The following B3GALT1 variants were observed in gnomAD, a reference collection of about 807,000 sequenced individuals.
B3GALT1 encodes beta-1,3-galactosyltransferase 1, also known as UDP-Gal:betaGlcNAc beta 1,3-galactosyltransferase, polypeptide 1.
B3GALT1 carries 10 observed loss-of-function variants against 23.2 expected under a neutral mutation model. That is an observed-to-expected ratio of 0.43 (90% CI 0.27 to 0.73). The LOEUF is 0.73. Among genes scored for constraint, B3GALT1 ranks in the 30% least tolerant of loss-of-function variants. The pLI, the probability that B3GALT1 is intolerant of heterozygous loss-of-function variation, is 0.21. For missense variants in B3GALT1, 299 were observed against 405.4 expected, an observed-to-expected ratio of 0.74 and a Z score of 2.25; for synonymous variants, 156 against 141.5, an observed-to-expected ratio of 1.10 and a Z score of -0.73.
At chr2:167,710,000 G>A (rs1226963936) in intron 3 of B3GALT1, among the ~76,000 whole-genome samples, 1 of 152,008 alleles carries the variant, frequency 6.6e-6, no homozygotes, top group Admixed American at 6.5e-5. Context: ...CAGATAATAT[G>A]TTTTTTCCAC....
chr2:167,662,724 G>C (rs1047413739), intron 3 of B3GALT1, among the ~76,000 whole-genome samples: 1 of 151,782 alleles, frequency 6.6e-6, no homozygotes, highest in Admixed American at 6.6e-5. Context: ...ACAATGGTCT[G>C]TAGGGCCCCA....
chr2:167,384,717 C>G (rs558459632), intron 1 of B3GALT1, among the ~76,000 whole-genome samples: 3 of 152,194 alleles, frequency 2.0e-5, no homozygotes, highest in South Asian at 4.2e-4. Flanking sequence ...ATTGCCATAG[C>G]GTTTGCTCAG....
intron 3 of B3GALT1, among the ~76,000 whole-genome samples, chr2:167,737,964 C>T (rs112879463): frequency 2.0e-5 from 3 of 152,226 alleles, no homozygotes; most frequent in Admixed American, 6.5e-5. Flanking sequence ...ACCTGAGAGC[C>T]GTAAACTGAC....
chr2:167,435,444 A>C (rs1698768967), intron 1 of B3GALT1, among the ~76,000 whole-genome samples: 1 of 147,966 alleles, frequency 6.8e-6, no homozygotes. Context: ...AAAAAAAAAA[A>C]AAAAAAAAAA....
intron 1 of B3GALT1, among the ~76,000 whole-genome samples, chr2:167,489,115 G>A (rs193153680): frequency 2.0e-5 from 3 of 152,122 alleles, no homozygotes; most frequent in East Asian, 1.9e-4. Flanking sequence ...TCAAACTAAC[G>A]TCATTGTACT....
At chr2:167,355,595 T>C (rs1189828832) in intron 1 of B3GALT1, among the ~76,000 whole-genome samples, 1 of 152,234 alleles carries the variant, frequency 6.6e-6, no homozygotes, top group Non-Finnish European at 1.5e-5. Flanking sequence ...CTAGATTTAT[T>C]GTTCAGTATT....
intron 1 of B3GALT1, among the ~76,000 whole-genome samples, chr2:167,413,551 T>G (rs1698423644): frequency 6.6e-6 from 1 of 152,056 alleles, no homozygotes; most frequent in Admixed American, 6.5e-5. Context: ...TATTGTTGAA[T>G]GCATATGTAT....
At chr2:167,812,677 A>G (rs1688913345) in intron 3 of B3GALT1, among the ~76,000 whole-genome samples, 2 of 152,192 alleles carry the variant, frequency 1.3e-5, no homozygotes, top group African/African-American at 2.4e-5. Context: ...AGCACCTAGC[A>G]TGTGAATTCC....
At chr2:167,320,266 T>G (rs993453434) in intron 1 of B3GALT1, among the ~76,000 whole-genome samples, 1 of 151,496 alleles carries the variant, frequency 6.6e-6, no homozygotes, top group Non-Finnish European at 1.5e-5. Flanking sequence ...CTTGGCTCAC[T>G]GCAACCTGTG....
intron 2 of B3GALT1, among the ~76,000 whole-genome samples, chr2:167,568,801 A>C (rs918752745): frequency 6.6e-6 from 1 of 151,790 alleles, no homozygotes; most frequent in East Asian, 1.9e-4. Flanking sequence ...AGTCATTGCC[A>C]TACCCAAGAT....
intron 3 of B3GALT1, among the ~76,000 whole-genome samples, chr2:167,669,868 C>G (rs1393138582): frequency 6.6e-6 from 1 of 152,082 alleles, no homozygotes; most frequent in Admixed American, 6.5e-5. Flanking sequence ...TCACCCCACC[C>G]AGAACACTGA....
rs187936811 is a variant in B3GALT1, at chr2:167,446,520, T to C, written c.-510-43657T>C. ...GTACACCAGTCAGACATAGATTTGGTCTTTTCACATGGTCCCATATTTCTT... is the reference window on the plus strand; with the variant it reads ...GTACACCAGTCAGACATAGATTTGGCCTTTTCACATGGTCCCATATTTCTT... On this transcript the variant is annotated intron_variant, in intron 1 of 4. Coordinates refer to ENST00000392690, the MANE Select transcript of B3GALT1 (RefSeq NM_020981.4). 1.9e-3 allele frequency among the ~76,000 whole-genome samples: 295 copies of C among 152,290 alleles called. 1 individual carries two copies. The highest frequency in any genetic ancestry group is 7.0e-3 in the African/African-American group (290 of 41,562).
chr2:167,410,415 T>G (rs1369435474), intron 1 of B3GALT1, among the ~76,000 whole-genome samples: 1 of 146,728 alleles, frequency 6.8e-6, no homozygotes, highest in Non-Finnish European at 1.5e-5. Flanking sequence ...GGTGTGAACC[T>G]GGGAGGCGGA....
intron 2 of B3GALT1, among the ~76,000 whole-genome samples, chr2:167,579,797 G>A (rs1300583864): frequency 6.6e-6 from 1 of 152,030 alleles, no homozygotes; most frequent in Admixed American, 6.6e-5. Flanking sequence ...AGAGAAGGCA[G>A]GGATTAGATT....
chr2:167,646,320 A>G (rs1230674917), intron 2 of B3GALT1, among the ~76,000 whole-genome samples: 2 of 152,210 alleles, frequency 1.3e-5, no homozygotes, highest in Non-Finnish European at 2.9e-5. Context: ...GGTAGGACCC[A>G]GGGTTTCTGC....
intron 3 of B3GALT1, among the ~76,000 whole-genome samples, chr2:167,650,702 A>G (rs895752618): frequency 2.6e-5 from 4 of 152,138 alleles, no homozygotes; most frequent in African/African-American, 7.2e-5. Flanking sequence ...CTCTTGTTAT[A>G]GGTCTGCTCA....
chr2:167,738,319 A>G (rs545284124), intron 3 of B3GALT1, among the ~76,000 whole-genome samples: 3 of 152,212 alleles, frequency 2.0e-5, no homozygotes, highest in Non-Finnish European at 4.4e-5. Context: ...GTTAAATGTC[A>G]TTGTGCATCT....
chr2:167,442,032 C>A (rs1329092312), intron 1 of B3GALT1, among the ~76,000 whole-genome samples: 1 of 151,576 alleles, frequency 6.6e-6, no homozygotes, highest in Non-Finnish European at 1.5e-5. Flanking sequence ...CTCCCCACTC[C>A]CCCCACCCCA....
chr2:167,294,572 A>C (rs753401973), intron 1 of B3GALT1, among the ~76,000 whole-genome samples: 1 of 152,118 alleles, frequency 6.6e-6, no homozygotes, highest in Admixed American at 6.5e-5. Context: ...ATTGTTTTCT[A>C]TGTGGCTCCT....
Sources: gnomAD v4.1 joint callset for allele counts (sites outside exome capture counted in the v4.1 genomes callset) on GRCh38, gnomAD v4.1.1 for gene constraint, MANE v1.5 for transcripts, NCBI Gene and HGNC (gene_info 2026-07-23, HGNC 2026-07-21) for gene names.